The following AKT3 variants were observed in gnomAD, a reference collection of about 807,000 sequenced individuals.
The protein encoded by AKT3 is AKT serine/threonine kinase 3.
Under a neutral mutation model 65.3 loss-of-function variants are expected in AKT3, and 15 were observed. The observed-to-expected ratio is 0.23, with a 90% confidence interval of 0.15 to 0.35. The LOEUF is 0.35. Among genes scored for constraint, AKT3 ranks in the 10% least tolerant of loss-of-function variants. AKT3 has a pLI of 1.00. For synonymous variants in AKT3, 206 were observed against 183.8 expected (o/e 1.12, Z -0.98); for missense variants, 243 against 576.5 (o/e 0.42, Z 5.92).
At chr1:243,689,794 A>T (rs186220879) in intron 3 of AKT3, among the ~76,000 whole-genome samples, 11 of 152,002 alleles carry the variant, frequency 7.2e-5, no homozygotes, top group Non-Finnish European at 1.3e-4. Flanking sequence ...CTCTACAAAA[A>T]ACTGGCCAGA....
At chr1:243,792,241 A>G (rs116012895) in intron 2 of AKT3, among the ~76,000 whole-genome samples, 106 of 152,252 alleles carry the variant, frequency 7.0e-4, no homozygotes, top group African/African-American at 2.5e-3. Context: ...ATTCTAATAA[A>G]CATTTTGAGC....
chr1:243,836,527 C>A (rs1694899245), intron 2 of AKT3, among the ~76,000 whole-genome samples: 1 of 150,328 alleles, frequency 6.7e-6, no homozygotes, highest in Non-Finnish European at 1.5e-5. Context: ...TACCAATCAT[C>A]TTGACTAGAT....
intron 2 of AKT3, among the ~76,000 whole-genome samples, chr1:243,736,702 T>C (rs536971756): frequency 6.6e-6 from 1 of 152,244 alleles, no homozygotes; most frequent in African/African-American, 2.4e-5. Context: ...AATGGAAGCC[T>C]AACAAAATGA....
At chr1:243,785,358 G>A (rs901552119) in intron 2 of AKT3, among the ~76,000 whole-genome samples, 7 of 151,852 alleles carry the variant, frequency 4.6e-5, no homozygotes, top group African/African-American at 7.3e-5. Flanking sequence ...GATTACAGGC[G>A]TGAGCCACCG....
chr1:243,709,618 C>A (rs1433248359), intron 2 of AKT3, among the ~76,000 whole-genome samples: 17 of 151,722 alleles, frequency 1.1e-4, no homozygotes, highest in Non-Finnish European at 2.9e-5. Flanking sequence ...AATTTAAATT[C>A]TATTTAAAAT....
At chr1:243,705,484 T>C (rs942268088) in intron 2 of AKT3, among the ~76,000 whole-genome samples, 1 of 152,212 alleles carries the variant, frequency 6.6e-6, no homozygotes, top group African/African-American at 2.4e-5. Context: ...ATCAAATCCT[T>C]GTTCCACTTG....
At chr1:243,757,320 T>C (rs150081057) in intron 2 of AKT3, among the ~76,000 whole-genome samples, 125 of 152,264 alleles carry the variant, frequency 8.2e-4, no homozygotes, top group Admixed American at 7.3e-3. Context: ...AATGGTTCAT[T>C]AGAAAAAGCA....
At chr1:243,492,832 C>T (rs1018368735) in intron 13 of AKT3, among the ~76,000 whole-genome samples, 1 of 152,016 alleles carries the variant, frequency 6.6e-6, no homozygotes, top group Non-Finnish European at 1.5e-5. Context: ...GTCTCGAACT[C>T]CTGACCTCAG....
intron 4 of AKT3, among the ~76,000 whole-genome samples, chr1:243,662,898 T>A (rs1682479953): frequency 6.6e-6 from 1 of 152,092 alleles, no homozygotes; most frequent in Admixed American, 6.5e-5. Flanking sequence ...TTCAGAAGAG[T>A]AGTATATTAT....
At chr1:243,592,949 T>C (rs961808244) in intron 8 of AKT3, among the ~76,000 whole-genome samples, 2 of 152,306 alleles carry the variant, frequency 1.3e-5, no homozygotes, top group South Asian at 4.1e-4. Context: ...AATAAAAGTA[T>C]ACCAGTGAAA....
chr1:243,841,729 CCA>C (rs1490612852), intron 2 of AKT3, among the ~76,000 whole-genome samples: 1 of 152,048 alleles, frequency 6.6e-6, no homozygotes, highest in Non-Finnish European at 1.5e-5. Context: ...ACTCTAATGT[CCA>C]GACTCTTTAT....
At chr1:243,563,970 T>C (rs775141665) in intron 9 of AKT3, 122 bp from the exon 10 acceptor site, 17 of 876,870 alleles carry the variant, frequency 1.9e-5, no homozygotes, top group Non-Finnish European at 2.6e-5. Context: ...TTGTAGCTAA[T>C]AGAACGCTCA....
downstream of AKT3, among the ~76,000 whole-genome samples, chr1:243,496,234 A>G (rs1338198346): frequency 6.6e-6 from 1 of 152,244 alleles, no homozygotes. Context: ...CTCAGGCCAC[A>G]GGATGTGTGG....
In AKT3 at chr1:243,756,249, C is replaced by T. The variant is rs115049195; in HGVS notation, c.47-60533G>A. On this transcript the variant is annotated intron_variant, in intron 2 of 13. Transcript: ENST00000673466. ...ATGAAAGAGCTTGACAACAGTGACA[C>T]TCAATACAGGGAACACAATTGATAC... Among the ~76,000 whole-genome samples the T allele has an allele frequency of 8.3e-3, 1,267 of 152,280 alleles. 15 individuals carry two copies. The highest frequency in any genetic ancestry group is 0.029 in the African/African-American group (1,219 of 41,556).
intron 2 of AKT3, among the ~76,000 whole-genome samples, chr1:243,782,138 TG>T (rs1331725087): frequency 1.3e-5 from 2 of 152,150 alleles, no homozygotes; most frequent in African/African-American, 4.8e-5. Context: ...TCTCTCTTAA[TG>T]GCCCTTTGGA....
At chr1:243,561,478 AC>A (rs1249400626) in intron 10 of AKT3, among the ~76,000 whole-genome samples, 1 of 152,144 alleles carries the variant, frequency 6.6e-6, no homozygotes, top group Non-Finnish European at 1.5e-5. Flanking sequence ...TTACACTTCT[AC>A]CACCTCTTAG....
rs1462363291 is a variant in AKT3, at chr1:243,501,215, C to T, written c.*4034G>A. 4.3e-6 allele frequency: 1 copy of T among 232,398 alleles called. No individual in the cohort carries two copies. The highest frequency in any genetic ancestry group is 8.5e-6 in the Non-Finnish European group (1 of 117,626). The allele number at this position is 232,398 out of a possible 1,614,324, so 14.4% of individuals were successfully genotyped here. A position where few individuals can be genotyped will look rare whatever the true frequency, so the allele number is the denominator to read the frequency against. On this transcript the variant is annotated 3_prime_UTR_variant, in exon 14 of 14. Transcript: ENST00000673466. ...TTATGAGGTAAAATCAGAAAAAGGC[C>T]CCATCCAGAATGATTCAACGTGAAG...
chr1:243,778,619 T>C (rs1213486777), intron 2 of AKT3, among the ~76,000 whole-genome samples: 1 of 152,280 alleles, frequency 6.6e-6, no homozygotes, highest in African/African-American at 2.4e-5. Context: ...GTACAAAGTA[T>C]AAGTGTGTGC....
At chr1:243,623,416 G>A (rs908604694) in intron 6 of AKT3, among the ~76,000 whole-genome samples, 2 of 152,194 alleles carry the variant, frequency 1.3e-5, no homozygotes, top group South Asian at 4.1e-4. Context: ...ATTACTAATA[G>A]CTGTTTCTGT....
Sources: allele counts gnomAD v4.1 joint callset (sites outside exome capture counted in the v4.1 genomes callset), GRCh38; gene constraint gnomAD v4.1.1; transcripts MANE v1.5; gene names NCBI Gene and HGNC (gene_info 2026-07-23, HGNC 2026-07-21).